Variants in UGT2A2 observed in about 807,000 individuals in gnomAD.
The protein encoded by UGT2A2 is UDP-glucuronosyltransferase 2A2.
UGT2A2 carries 60 observed loss-of-function variants against 50.7 expected under a neutral mutation model. The ratio of observed to expected loss-of-function variants is 1.18; its 90% CI spans 0.96 to 1.47. The LOEUF (loss-of-function observed/expected upper bound fraction) is 1.47. Among genes scored for constraint, UGT2A2 ranks in the 40% most tolerant of loss-of-function variants. The probability of loss-of-function intolerance (pLI) is 0.00; values close to 1 mark genes in which losing one functional copy is unlikely to be tolerated. For synonymous variants in UGT2A2, 242 were observed against 214.6 expected (o/e 1.13, Z -1.11); for missense variants, 762 against 634.0 (o/e 1.20, Z -2.17).
chr4:69,606,417 G>A lies in UGT2A2; in HGVS notation c.743-7023C>T, dbSNP rs1490362142. On this transcript the variant is annotated intron_variant, in intron 1 of 5. Coordinates refer to ENST00000604629, the MANE Select transcript of UGT2A2 (RefSeq NM_001105677.2). ...TCAATAAATTAGGTATTGATGGGAT[G>A]TATCTCAAAATAATAAGAGCTATCT... Among the ~76,000 whole-genome samples the A allele has an allele frequency of 2.2e-4, 30 of 136,184 alleles. 4 individuals carry two copies. Among genetic ancestry groups the A allele is most frequent in the Non-Finnish European group, 3.9e-4 (25 of 64,122 alleles). The allele number at this position is 136,184 out of a possible 152,430, so 89.3% of individuals were successfully genotyped here. A position where few individuals can be genotyped will look rare whatever the true frequency, so the allele number is the denominator to read the frequency against.
Position 69,599,402 on chromosome 4 carries a change from A to G in UGT2A2, c.743-8T>C, listed in dbSNP as rs1421070495. Reference sequence around the variant, plus strand: ...ATAACGTAGTGGGTCTTCCTGGAGAAAATGTAACAAGTTGGATGGAGGAAA... The same window carrying G: ...ATAACGTAGTGGGTCTTCCTGGAGAGAATGTAACAAGTTGGATGGAGGAAA... On this transcript the variant is annotated splice_region_variant and splice_polypyrimidine_tract_variant and intron_variant, in intron 1 of 5. Coordinates refer to ENST00000604629, the MANE Select transcript of UGT2A2 (RefSeq NM_001105677.2). The G allele has an allele frequency of 6.2e-7, 1 of 1,611,964 alleles. No individual in the cohort carries two copies. Among genetic ancestry groups the G allele is most frequent in the Admixed American group, 1.7e-5 (1 of 59,152 alleles).
chr4:69,624,523 T>A (rs1370315705), intron 1 of UGT2A2, among the ~76,000 whole-genome samples: 1 of 151,416 alleles, frequency 6.6e-6, no homozygotes, highest in African/African-American at 2.4e-5. Flanking sequence ...AGTTACCTCA[T>A]CTCTTTTTTG....
rs532343123 is a variant in UGT2A2, at chr4:69,588,745, G to A, written c.*627C>T. ...ATATAAGAATATATGTTGAAGAAAG[G>A]CAGGCAAGTTATGCCGTGATTTTCT... On this transcript the variant is annotated 3_prime_UTR_variant, in exon 6 of 6. Coordinates refer to ENST00000604629, the MANE Select transcript of UGT2A2 (RefSeq NM_001105677.2). 3 of 152,076 alleles carry A rather than the reference G, an allele frequency of 2.0e-5. No homozygotes were observed. In the East Asian group the frequency reaches 5.8e-4, roughly 29 times the overall value. 9.4% of individuals were successfully genotyped at this position (152,076 alleles called of 1,614,324 possible).
chr4:69,597,585 G>C (rs560305926), intron 2 of UGT2A2, among the ~76,000 whole-genome samples: 76 of 152,238 alleles, frequency 5.0e-4, no homozygotes, highest in African/African-American at 1.7e-3. Flanking sequence ...CTAGGGGAGG[G>C]TGATATCTTA....
chr4:69,604,981 G>A (rs62306496), intron 1 of UGT2A2, among the ~76,000 whole-genome samples: 25,070 of 135,196 alleles, frequency 0.19, 6,101 homozygotes, highest in Non-Finnish European at 0.22. Flanking sequence ...GAGAGACTTT[G>A]ACACCCCACT....
In UGT2A2 at chr4:69,605,114, A is replaced by G. The variant is rs1440587904; in HGVS notation, c.743-5720T>C. Among the ~76,000 whole-genome samples the G allele has an allele frequency of 7.3e-5, 10 of 137,236 alleles. 3 individuals are homozygous for G. Among genetic ancestry groups the G allele is most frequent in the Non-Finnish European group, 1.4e-4 (9 of 64,428 alleles). 90.0% of individuals were successfully genotyped at this position (137,236 alleles called of 152,430 possible). On this transcript the variant is annotated intron_variant, in intron 1 of 5. Transcript: ENST00000604629. Reference sequence around the variant, plus strand: ...ATTATCCACCCCAAATCAACAGAATATACATTCTTCTCAGCACCACACCGC... The same window carrying G: ...ATTATCCACCCCAAATCAACAGAATGTACATTCTTCTCAGCACCACACCGC...
Position 69,639,440 on chromosome 4 carries a change from A to G in UGT2A2, c.201T>C (p.Thr67=). The change falls in exon 1 of 6, where the codon ACT becomes ACC. Residue 67 remains threonine, a synonymous_variant. Transcript: ENST00000604629. ...AATCGGGATTGGAGTTGATGAATAG[A>G]GTTGCTGATGAAGCCAGTACAGTCA... is the stretch of plus-strand genomic sequence containing the variant. ...HNVTVLASSA[T]LFINSNPDSP... is the part of the protein sequence containing the mutation. 1 of 1,613,212 alleles carries G rather than the reference A, an allele frequency of 6.2e-7. No homozygotes were observed.
At chr4:69,602,069 T>C (rs1455183827) in intron 1 of UGT2A2, among the ~76,000 whole-genome samples, 1 of 137,050 alleles carries the variant, frequency 7.3e-6, no homozygotes, top group Non-Finnish European at 1.6e-5. Context: ...AAAATGATTA[T>C]CTGACTAAAT....
Position 69,604,899 on chromosome 4 carries a change from A to G in UGT2A2, c.743-5505T>C, listed in dbSNP as rs1045323803. On this transcript the variant is annotated intron_variant, in intron 1 of 5. Coordinates refer to ENST00000604629, the MANE Select transcript of UGT2A2 (RefSeq NM_001105677.2). Reference sequence around the variant, plus strand: ...TCCTAAATATATATGCACCCAATACAGGAGCACCCAGATTCATAAAGCAAG... The same window carrying G: ...TCCTAAATATATATGCACCCAATACGGGAGCACCCAGATTCATAAAGCAAG... 3.7e-5 allele frequency among the ~76,000 whole-genome samples: 5 copies of G among 136,964 alleles called. 1 individual carries two copies. The highest frequency in any genetic ancestry group is 7.8e-5 in the Non-Finnish European group (5 of 64,318). The allele number at this position is 136,964 out of a possible 152,430, so 89.9% of individuals were successfully genotyped here. A position where few individuals can be genotyped will look rare whatever the true frequency, so the allele number is the denominator to read the frequency against.
intron 1 of UGT2A2, among the ~76,000 whole-genome samples, chr4:69,623,165 C>T (rs1290090262): frequency 6.6e-6 from 1 of 151,818 alleles, no homozygotes; most frequent in Admixed American, 6.6e-5. Flanking sequence ...AGTCCATCCT[C>T]TTCCATCTGT....
intron 1 of UGT2A2, among the ~76,000 whole-genome samples, chr4:69,614,861 C>T (rs1319109320): frequency 6.6e-6 from 1 of 151,844 alleles, no homozygotes; most frequent in African/African-American, 2.4e-5. Context: ...TTTAATTGAC[C>T]CACAGTTCCA....
chr4:69,599,537 T>G, intron 1 of UGT2A2, 143 bp from the exon 2 acceptor site: 1 of 1,165,866 alleles, frequency 8.6e-7, no homozygotes, highest in Non-Finnish European at 1.1e-6. Context: ...GTTTATATAT[T>G]AAGAAGAAGG....
chr4:69,592,021 G>A (rs1022330590), intron 5 of UGT2A2, among the ~76,000 whole-genome samples: 1 of 152,146 alleles, frequency 6.6e-6, no homozygotes, highest in Admixed American at 6.5e-5. Flanking sequence ...AGCAAAAGTG[G>A]ACAACCAGGG....
chr4:69,606,039 T>C (rs1287055436), intron 1 of UGT2A2, among the ~76,000 whole-genome samples: 1 of 136,080 alleles, frequency 7.3e-6, no homozygotes, highest in Non-Finnish European at 1.6e-5. Flanking sequence ...TTCCAAGCAA[T>C]AGAAAAAGAG....
At chr4:69,620,195 C>G (rs931827034) in intron 1 of UGT2A2, among the ~76,000 whole-genome samples, 21 of 151,946 alleles carry the variant, frequency 1.4e-4, no homozygotes, top group African/African-American at 4.1e-4. Context: ...GTCAAACTTT[C>G]CTGGTTCACA....
chr4:69,606,509 G>A (rs1373330564), intron 1 of UGT2A2, among the ~76,000 whole-genome samples: 1 of 136,158 alleles, frequency 7.3e-6, no homozygotes, highest in Non-Finnish European at 1.6e-5. Flanking sequence ...TTGAAAACTG[G>A]CACAAGACAG....
intron 1 of UGT2A2, among the ~76,000 whole-genome samples, chr4:69,610,974 A>T (rs539099826): frequency 3.5e-4 from 52 of 149,018 alleles, no homozygotes; most frequent in African/African-American, 1.2e-3. Context: ...ATTCTTAAAG[A>T]TAATAGTTGG....
intron 1 of UGT2A2, among the ~76,000 whole-genome samples, chr4:69,624,056 G>A (rs2109941551): frequency 6.6e-6 from 1 of 151,612 alleles, no homozygotes. Context: ...CTGTGTGCTT[G>A]TATTATCAAT....
chr4:69,627,542 G>A (rs201999272), intron 1 of UGT2A2, among the ~76,000 whole-genome samples: 5,622 of 104,408 alleles, frequency 0.054, 128 homozygotes, highest in East Asian at 0.093. Flanking sequence ...GAAAGAGAGA[G>A]AGAGAAAGAG....
Sources: allele counts gnomAD v4.1 joint callset (sites outside exome capture counted in the v4.1 genomes callset), GRCh38; gene constraint gnomAD v4.1.1; transcripts MANE v1.5; gene names NCBI Gene and HGNC (gene_info 2026-07-23, HGNC 2026-07-21).